Variants in GNG2 observed in about 807,000 individuals in gnomAD.
GNG2 encodes the protein G protein subunit gamma 2.
In GNG2, 5 loss-of-function variants were observed where a neutral mutation model predicts 5.5. The observed-to-expected ratio is 0.91, with a 90% confidence interval of 0.48 to 1.92. The LOEUF (loss-of-function observed/expected upper bound fraction) is 1.92, where lower values mean the gene tolerates loss of function less well. Ranked by LOEUF, GNG2 falls within the 30% of genes most tolerant of loss-of-function variation. GNG2 has a pLI of 0.01. For synonymous variants in GNG2, 28 were observed against 32.0 expected (o/e 0.88, Z 0.42); for missense variants, 55 against 88.4 (o/e 0.62, Z 1.52).
chr14:51,863,282 A>G (rs1882648005), intron 1 of GNG2, among the ~76,000 whole-genome samples: 1 of 152,186 alleles, frequency 6.6e-6, no homozygotes, highest in African/African-American at 2.4e-5. Flanking sequence ...GGTTCTTACT[A>G]CTTACCTTGG....
intron 2 of GNG2, among the ~76,000 whole-genome samples, chr14:51,945,329 A>T (rs545085991): frequency 6.6e-6 from 1 of 152,234 alleles, no homozygotes; most frequent in Admixed American, 6.5e-5. Context: ...TGGTATATAC[A>T]TACAATGGAA....
chr14:51,882,302 G>A (rs867675841), intron 2 of GNG2, among the ~76,000 whole-genome samples: 4 of 152,110 alleles, frequency 2.6e-5, no homozygotes, highest in African/African-American at 4.8e-5. Context: ...ACAAAATGCC[G>A]ATTGAACTTC....
intron 2 of GNG2, among the ~76,000 whole-genome samples, chr14:51,935,101 T>C: frequency 6.7e-6 from 1 of 148,552 alleles, no homozygotes. Flanking sequence ...CTCGGCTCAC[T>C]GTAAGCTCTG....
intron 2 of GNG2, among the ~76,000 whole-genome samples, chr14:51,915,066 T>C (rs542989179): frequency 5.5e-4 from 83 of 152,248 alleles, no homozygotes; most frequent in Non-Finnish European, 1.0e-3. Flanking sequence ...CAGAAAACTA[T>C]GTAACCCAAA....
chr14:51,854,754 C>T (rs148279082), intron 2 of GNG2, among the ~76,000 whole-genome samples: 2,963 of 152,234 alleles, frequency 0.019, 58 homozygotes, highest in Middle Eastern at 0.041. Context: ...CTCAAGTGAT[C>T]CTCCTACCTT....
At chr14:51,836,297 C>T (rs1052385435) in intron 2 of GNG2, among the ~76,000 whole-genome samples, 9 of 151,962 alleles carry the variant, frequency 5.9e-5, no homozygotes, top group Non-Finnish European at 1.3e-4. Flanking sequence ...GGAATGAAAA[C>T]ACCCAATGCA....
intron 2 of GNG2, among the ~76,000 whole-genome samples, chr14:51,943,113 A>G (rs74051355): frequency 0.019 from 2,909 of 152,284 alleles, 107 homozygotes; most frequent in African/African-American, 0.065. Context: ...GTCCTCTGGC[A>G]GCCCCAAAGC....
chr14:51,909,636 G>A (rs929198151), intron 2 of GNG2, among the ~76,000 whole-genome samples: 1 of 152,192 alleles, frequency 6.6e-6, no homozygotes, highest in South Asian at 2.1e-4. Context: ...TTCGTAGGCA[G>A]AGGCACCCAC....
intron 2 of GNG2, among the ~76,000 whole-genome samples, chr14:51,830,329 T>C (rs1291441068): frequency 6.6e-6 from 1 of 152,216 alleles, no homozygotes. Flanking sequence ...TACCCCCTTA[T>C]TGAGCTCATC....
At chr14:51,865,557 A>T (rs144282799) in intron 1 of GNG2, among the ~76,000 whole-genome samples, 2 of 152,296 alleles carry the variant, frequency 1.3e-5, no homozygotes, top group African/African-American at 4.8e-5. Flanking sequence ...TGACCTCTTC[A>T]TAAGGGATAA....
intron 2 of GNG2, among the ~76,000 whole-genome samples, chr14:51,834,061 C>T (rs1881269844): frequency 6.6e-6 from 1 of 151,922 alleles, no homozygotes; most frequent in African/African-American, 2.4e-5. Context: ...CTAGAAAAGA[C>T]CAAAAAAAAC....
At chr14:51,854,025 T>C (rs1437588839) in intron 2 of GNG2, among the ~76,000 whole-genome samples, 2 of 151,864 alleles carry the variant, frequency 1.3e-5, no homozygotes, top group Non-Finnish European at 1.5e-5. Context: ...CAAGTAGGCG[T>C]GCACCACCAG....
At chr14:51,826,939 A>T (rs1214733177) in intron 1 of GNG2, among the ~76,000 whole-genome samples, 1 of 152,208 alleles carries the variant, frequency 6.6e-6, no homozygotes, top group African/African-American at 2.4e-5. Context: ...TCTAGCACTT[A>T]GGAGCAATGA....
chr14:51,936,652 C>T (rs753352652), intron 2 of GNG2, among the ~76,000 whole-genome samples: 2 of 151,860 alleles, frequency 1.3e-5, no homozygotes, highest in South Asian at 4.2e-4. Context: ...CTGGCTCCAG[C>T]GATCCTTCTG....
At chr14:51,894,736 C>CAT (rs1885073655) in intron 2 of GNG2, among the ~76,000 whole-genome samples, 1 of 151,972 alleles carries the variant, frequency 6.6e-6, no homozygotes, top group Admixed American at 6.6e-5. Context: ...CATAAAAGTA[C>CAT]ATAGAGGAGT....
intron 2 of GNG2, among the ~76,000 whole-genome samples, chr14:51,931,309 A>G (rs938802288): frequency 5.3e-5 from 8 of 152,180 alleles, no homozygotes; most frequent in Non-Finnish European, 1.2e-4. Flanking sequence ...AATCTGAGCA[A>G]TCAGAAGAAA....
At chr14:51,958,952 C>T (rs189183482) in intron 3 of GNG2, among the ~76,000 whole-genome samples, 49 of 152,292 alleles carry the variant, frequency 3.2e-4, no homozygotes, top group South Asian at 6.2e-4. Context: ...TGACTCCAGA[C>T]GGCTAAATTT....
intron 1 of GNG2, among the ~76,000 whole-genome samples, chr14:51,870,076 T>G (rs1249896317): frequency 6.6e-6 from 1 of 152,164 alleles, no homozygotes; most frequent in Non-Finnish European, 1.5e-5. Context: ...TATTCCCATT[T>G]TATAAGTGAA....
chr14:51,888,462 G>A (rs1253244527), intron 2 of GNG2, among the ~76,000 whole-genome samples: 1 of 152,048 alleles, frequency 6.6e-6, no homozygotes, highest in Non-Finnish European at 1.5e-5. Context: ...AGGACCACAG[G>A]TGCACACCAC....
Sources: allele counts gnomAD v4.1 joint callset (sites outside exome capture counted in the v4.1 genomes callset), GRCh38; gene constraint gnomAD v4.1.1; transcripts MANE v1.5; gene names NCBI Gene and HGNC (gene_info 2026-07-23, HGNC 2026-07-21).